The following HSD17B4 variants were observed in gnomAD, a reference collection of about 807,000 sequenced individuals.
The protein encoded by HSD17B4 is hydroxysteroid 17-beta dehydrogenase 4, also known as peroxisomal multifunctional enzyme type 2.
Under a neutral mutation model 101.0 loss-of-function variants are expected in HSD17B4, and 70 were observed. The observed-to-expected ratio is 0.69, with a 90% CI of 0.57 to 0.85. The LOEUF is 0.85. HSD17B4 is among the 40% of genes least tolerant of loss of function. The probability of loss-of-function intolerance (pLI) is 0.00; values close to 1 mark genes in which losing one functional copy is unlikely to be tolerated. For missense variants in HSD17B4, 984 were observed against 892.4 expected (o/e 1.10, Z -1.31); for synonymous variants, 347 against 297.1 (o/e 1.17, Z -1.73).
intron 22 of HSD17B4, among the ~76,000 whole-genome samples, chr5:119,534,065 T>A (rs1359350008): frequency 6.6e-6 from 1 of 152,120 alleles, no homozygotes; most frequent in Non-Finnish European, 1.5e-5. Context: ...ATGTGTTGAA[T>A]ACAATGTTGC....
intron 20 of HSD17B4, among the ~76,000 whole-genome samples, chr5:119,529,589 T>A (rs1753882592): frequency 6.6e-6 from 1 of 152,012 alleles, no homozygotes; most frequent in South Asian, 2.1e-4. Context: ...CAAGGCCCAG[T>A]CTCTATCAGT....
At chr5:119,452,686 C>G in intron 1 of HSD17B4, 53 bp downstream of exon 1, 1 of 1,611,400 alleles carries the variant, frequency 6.2e-7, no homozygotes, top group Non-Finnish European at 8.5e-7. Context: ...CAGCTGGCTG[C>G]TCTTTTCGGG....
chr5:119,509,308 A>G, intron 16 of HSD17B4, 64 bp downstream of exon 16: 2 of 1,002,142 alleles, frequency 2.0e-6, no homozygotes, highest in Non-Finnish European at 3.2e-6. Flanking sequence ...TACAATTGAG[A>G]CTTGAACAGC....
Position 119,474,429 on chromosome 5 carries a change from G to T in HSD17B4, c.249G>T (p.Val83=). The stretch of plus-strand genomic sequence containing the variant: ...CAGTGGAAGAAGGAGAGAAGGTTGT[G>T]AAGACAGCCCTGGATGCTTTTGGAA... The part of the protein sequence containing the change: ...YDSVEEGEKV[V]KTALDAFGRI... Residue 83 remains valine, a synonymous_variant, in exon 4 of 24, where the codon GTG becomes GTT. Transcript: ENST00000510025. 6.2e-7 allele frequency: 1 copy of T among 1,611,156 alleles called. No individual in the cohort carries two copies.
chr5:119,476,780 CCT>C lies in HSD17B4; in HGVS notation c.350-632_350-631del, dbSNP rs562189553. On this transcript the variant is annotated intron_variant, in intron 6 of 23. Coordinates refer to ENST00000510025, the MANE Select transcript of HSD17B4 (RefSeq NM_000414.4). Reference sequence around the variant, plus strand: ...GCCACTACTCCTGACTACCCTTCTCCCTCTCTTTCTTTTTTTTAGTTCCTTTT... The same window carrying C: ...GCCACTACTCCTGACTACCCTTCTCCCTCTTTCTTTTTTTTAGTTCCTTTT... 1.6e-5 allele frequency: 13 copies of C among 824,184 alleles called. No homozygotes were observed. In the East Asian group the frequency reaches 1.5e-3, roughly 95 times the overall value. 51.1% of individuals were successfully genotyped at this position (824,184 alleles called of 1,614,324 possible). A position where few individuals can be genotyped will look rare whatever the true frequency, so the allele number is the denominator to read the frequency against.
intron 8 of HSD17B4, among the ~76,000 whole-genome samples, chr5:119,486,218 A>G (rs893726381): frequency 5.9e-5 from 9 of 152,310 alleles, no homozygotes; most frequent in Middle Eastern, 3.4e-3. Context: ...TTACTTCAGA[A>G]GAGATGTACC....
In HSD17B4 at chr5:119,489,236, C is replaced by T; in HGVS notation, c.667C>T (p.Leu223Phe). 1 of 1,612,760 alleles carries T rather than the reference C, an allele frequency of 6.2e-7. No individual in the cohort carries two copies. The highest frequency in any genetic ancestry group is 1.1e-5 in the South Asian group (1 of 91,056). ...GCCAGAGTATGTGGCACCTCTTGTC[C>T]TTTGGCTTTGTCACGAGAGTTGTGA... ...LKPEYVAPLVLWLCHESCEEN... is the reference protein window; with the variant it reads ...LKPEYVAPLVFWLCHESCEEN... The change falls in exon 9 of 24, where the codon CTT (leucine) becomes TTT (phenylalanine). Residue 223 changes from leucine to phenylalanine, a missense_variant. Coordinates refer to ENST00000510025, the MANE Select transcript of HSD17B4 (RefSeq NM_000414.4).
At chr5:119,498,102 C>G (rs528277839) in intron 12 of HSD17B4, among the ~76,000 whole-genome samples, 1 of 152,062 alleles carries the variant, frequency 6.6e-6, no homozygotes, top group Non-Finnish European at 1.5e-5. Flanking sequence ...TGTTTGTATT[C>G]TTTCTTAAAA....
intron 1 of HSD17B4, chr5:119,452,906 C>A (rs927347511): frequency 1.4e-6 from 2 of 1,473,764 alleles, no homozygotes; most frequent in South Asian, 1.2e-5. Flanking sequence ...CTGCTGATTG[C>A]AAAACTGGGT....
At chr5:119,509,267 A>T (rs776365119) in intron 16 of HSD17B4, 23 bp downstream of exon 16, 15 of 1,293,058 alleles carry the variant, frequency 1.2e-5, no homozygotes, top group Non-Finnish European at 1.6e-5. Flanking sequence ...TTTGTAAGCA[A>T]AATATATGTG....
At chr5:119,454,610 G>A (rs189158422) in intron 1 of HSD17B4, among the ~76,000 whole-genome samples, 6 of 151,856 alleles carry the variant, frequency 4.0e-5, no homozygotes, top group Non-Finnish European at 8.8e-5. Context: ...TTGGAAAACT[G>A]TATATTTTTG....
chr5:119,470,604 G>T (rs536464810), intron 2 of HSD17B4, among the ~76,000 whole-genome samples: 5 of 152,332 alleles, frequency 3.3e-5, no homozygotes, highest in African/African-American at 9.6e-5. Flanking sequence ...GTCCCTGTCA[G>T]CTCTAAGCTG....
At chr5:119,482,025 C>CT in intron 8 of HSD17B4, among the ~76,000 whole-genome samples, 1 of 152,146 alleles carries the variant, frequency 6.6e-6, no homozygotes. Flanking sequence ...CTGGTGTCCT[C>CT]TGAGATTCCT....
chr5:119,461,619 C>G (rs1360886011), intron 2 of HSD17B4, among the ~76,000 whole-genome samples: 1 of 151,846 alleles, frequency 6.6e-6, no homozygotes, highest in African/African-American at 2.4e-5. Flanking sequence ...CAGTGGCTCA[C>G]GCCTGTAATC....
chr5:119,535,373 G>A (rs1028512996), intron 22 of HSD17B4, among the ~76,000 whole-genome samples: 10 of 151,880 alleles, frequency 6.6e-5, no homozygotes, highest in Admixed American at 1.3e-4. Context: ...GAATTGATCA[G>A]GGTCCCATCT....
chr5:119,485,695 A>G (rs1003844902), intron 8 of HSD17B4, among the ~76,000 whole-genome samples: 1 of 152,118 alleles, frequency 6.6e-6, no homozygotes, highest in Non-Finnish European at 1.5e-5. Context: ...CATTTTTGCT[A>G]TTTCATTTCC....
chr5:119,525,986 T>G lies in HSD17B4; in HGVS notation c.1643T>G (p.Phe548Cys). The part of the protein sequence containing the change: ...GFSARRVLQQ[F>C]ADNDVSRFKA... ...TCTGCCAGGCGTGTGTTACAGCAGTTTGCAGATAATGATGTGTCAAGATTC... is the reference window on the plus strand; with the variant it reads ...TCTGCCAGGCGTGTGTTACAGCAGTGTGCAGATAATGATGTGTCAAGATTC... Residue 548 changes from phenylalanine to cysteine, a missense_variant, in exon 19 of 24, where the codon TTT becomes TGT. Phe to Cys is a radical substitution (Grantham distance 205). Transcript: ENST00000510025. 3 of 1,609,156 alleles carry G rather than the reference T, an allele frequency of 1.9e-6. No individual in the cohort carries two copies. Among genetic ancestry groups the G allele is most frequent in the Non-Finnish European group, 2.6e-6 (3 of 1,175,712 alleles).
intron 17 of HSD17B4, among the ~76,000 whole-genome samples, chr5:119,521,182 A>G (rs1753084787): frequency 6.6e-6 from 1 of 152,216 alleles, no homozygotes; most frequent in Non-Finnish European, 1.5e-5. Context: ...TGTTGGATAT[A>G]AAATCTTATT....
intron 14 of HSD17B4, 124 bp downstream of exon 14, chr5:119,502,216 C>A: frequency 1.4e-6 from 1 of 704,996 alleles, no homozygotes; most frequent in Non-Finnish European, 2.5e-6. Context: ...AATTGTTATG[C>A]ACATGTGAGC....
Sources: allele counts gnomAD v4.1 joint callset (sites outside exome capture counted in the v4.1 genomes callset), GRCh38; gene constraint gnomAD v4.1.1; transcripts MANE v1.5; gene names NCBI Gene and HGNC (gene_info 2026-07-23, HGNC 2026-07-21).